The following GRIK2 variants were observed in gnomAD, a reference collection of about 807,000 sequenced individuals.
GRIK2 encodes glutamate ionotropic receptor kainate type subunit 2, also known as glutamate receptor ionotropic, kainate 2.
A neutral mutation model predicts 100.3 loss-of-function variants in GRIK2; 32 were observed. That is an observed-to-expected ratio of 0.32 (90% CI 0.24 to 0.43). GRIK2 has a LOEUF of 0.43. Ranked by LOEUF, GRIK2 falls within the 20% of genes least tolerant of loss-of-function variation. The pLI is 1.00. For missense variants in GRIK2, 843 were observed against 1,114.9 expected (o/e 0.76, Z 3.47); for synonymous variants, 417 against 389.4 (o/e 1.07, Z -0.83).
rs143798457 is a variant in GRIK2, at chr6:101,613,610, T to A, written c.116-8339T>A. On this transcript the variant is annotated intron_variant, in intron 2 of 16. Coordinates refer to ENST00000369134, the MANE Select transcript of GRIK2 (RefSeq NM_021956.5). Reference sequence around the variant, plus strand: ...AACTTTTTAAACAATAAGCTTAAGATGAATGAGCAGTGTGATACTGTACTG... The same window carrying A: ...AACTTTTTAAACAATAAGCTTAAGAAGAATGAGCAGTGTGATACTGTACTG... Among the ~76,000 whole-genome samples, 46 of 151,808 alleles carry A rather than the reference T, an allele frequency of 3.0e-4. No homozygotes were observed. In the East Asian group the frequency reaches 8.7e-3, roughly 29 times the overall value.
At chr6:101,851,897 G>A (rs1229021574) in intron 10 of GRIK2, among the ~76,000 whole-genome samples, 1 of 149,214 alleles carries the variant, frequency 6.7e-6, no homozygotes, top group East Asian at 2.0e-4. Context: ...GTATGGGAGG[G>A]ATGGGTAAGT....
chr6:101,975,797 A>ATCTATCTG (rs1389282229), intron 14 of GRIK2, among the ~76,000 whole-genome samples: 407 of 118,692 alleles, frequency 3.4e-3, no homozygotes, highest in Middle Eastern at 4.3e-3. Flanking sequence ...CTGTCTGTCT[A>ATCTATCTG]TCTATCTATC....
At chr6:101,583,401 C>G (rs555991767) in intron 2 of GRIK2, among the ~76,000 whole-genome samples, 1 of 151,990 alleles carries the variant, frequency 6.6e-6, no homozygotes, top group South Asian at 2.1e-4. Context: ...TGTAAAACTT[C>G]TCTTCTTTGA....
intron 14 of GRIK2, among the ~76,000 whole-genome samples, chr6:101,957,587 A>AT: frequency 6.6e-6 from 1 of 151,348 alleles, no homozygotes; most frequent in East Asian, 1.9e-4. Flanking sequence ...CTTAGTTATA[A>AT]TTTTTTGTTG....
chr6:101,664,994 G>A (rs1769910694), intron 4 of GRIK2, among the ~76,000 whole-genome samples: 1 of 152,196 alleles, frequency 6.6e-6, no homozygotes. Flanking sequence ...CGCATGGCAT[G>A]TGGAGATCAG....
At chr6:101,716,815 A>G (rs1299032918) in intron 7 of GRIK2, among the ~76,000 whole-genome samples, 1 of 151,844 alleles carries the variant, frequency 6.6e-6, no homozygotes. Flanking sequence ...AAGTAAGCAT[A>G]TTCCCATTTT....
At chr6:101,757,229 CATG>C (rs1266793392) in intron 7 of GRIK2, among the ~76,000 whole-genome samples, 1 of 151,986 alleles carries the variant, frequency 6.6e-6, no homozygotes, top group African/African-American at 2.4e-5. Context: ...TATTTTTAAA[CATG>C]AGGATTGGGG....
At chr6:101,791,651 G>C (rs564680538) in intron 7 of GRIK2, among the ~76,000 whole-genome samples, 19 of 152,210 alleles carry the variant, frequency 1.2e-4, no homozygotes, top group African/African-American at 2.9e-4. Context: ...TTTGGAATAG[G>C]TGTGGTGTGG....
At chr6:101,578,854 A>T (rs546802187) in intron 2 of GRIK2, among the ~76,000 whole-genome samples, 287 of 152,292 alleles carry the variant, frequency 1.9e-3, no homozygotes, top group African/African-American at 6.7e-3. Context: ...GCAACATATA[A>T]ATTCCATCCA....
intron 10 of GRIK2, among the ~76,000 whole-genome samples, chr6:101,837,571 A>G (rs1382315818): frequency 6.6e-6 from 1 of 152,172 alleles, no homozygotes; most frequent in African/African-American, 2.4e-5. Flanking sequence ...AGAAAAAGGG[A>G]AAATAGTCTG....
intron 7 of GRIK2, among the ~76,000 whole-genome samples, chr6:101,720,937 G>C (rs1315069649): frequency 1.3e-5 from 2 of 151,886 alleles, no homozygotes; most frequent in Non-Finnish European, 2.9e-5. Context: ...TGATGTCTAG[G>C]TTCCTTCATC....
chr6:101,555,825 G>A (rs1262747325), intron 2 of GRIK2, among the ~76,000 whole-genome samples: 1 of 152,050 alleles, frequency 6.6e-6, no homozygotes, highest in Non-Finnish European at 1.5e-5. Flanking sequence ...TAAAAACATA[G>A]GTTATGAGTG....
At chr6:101,932,154 T>C (rs1006087525) in intron 14 of GRIK2, among the ~76,000 whole-genome samples, 4 of 152,034 alleles carry the variant, frequency 2.6e-5, no homozygotes, top group Admixed American at 2.6e-4. Context: ...TTCTATGAAA[T>C]CCATGACTCA....
At chr6:101,977,340 G>A (rs1372725636) in intron 14 of GRIK2, among the ~76,000 whole-genome samples, 1 of 151,610 alleles carries the variant, frequency 6.6e-6, no homozygotes, top group Non-Finnish European at 1.5e-5. Context: ...AGATTTATTG[G>A]GAACTATCTA....
intron 7 of GRIK2, among the ~76,000 whole-genome samples, chr6:101,748,035 G>A (rs1776534456): frequency 6.6e-6 from 1 of 152,086 alleles, no homozygotes; most frequent in Admixed American, 6.6e-5. Context: ...TCCTGAAAAT[G>A]TTCATATTTT....
chr6:102,055,664 C>A, intron 16 of GRIK2, 84 bp downstream of exon 16: 2 of 900,826 alleles, frequency 2.2e-6, no homozygotes, highest in African/African-American at 1.7e-5. Context: ...TTTATGTTAC[C>A]AACTAATGAT....
At chr6:101,698,962 C>T (rs1218309017) in intron 7 of GRIK2, among the ~76,000 whole-genome samples, 1 of 152,116 alleles carries the variant, frequency 6.6e-6, no homozygotes, top group Non-Finnish European at 1.5e-5. Context: ...GTAGTTACCT[C>T]ACTGGACTTG....
At chr6:101,801,628 T>C (rs916617715) in intron 8 of GRIK2, among the ~76,000 whole-genome samples, 2 of 151,994 alleles carry the variant, frequency 1.3e-5, no homozygotes, top group Non-Finnish European at 2.9e-5. Context: ...TTTCCTAAGC[T>C]ATTTCCAAAT....
At chr6:101,610,007 A>G (rs1169270763) in intron 2 of GRIK2, among the ~76,000 whole-genome samples, 3 of 151,704 alleles carry the variant, frequency 2.0e-5, no homozygotes, top group African/African-American at 7.2e-5. Flanking sequence ...GGGGGAAACC[A>G]AAAGTAATTT....
Sources: gnomAD v4.1 joint callset for allele counts (sites outside exome capture counted in the v4.1 genomes callset) on GRCh38, gnomAD v4.1.1 for gene constraint, MANE v1.5 for transcripts, NCBI Gene and HGNC (gene_info 2026-07-23, HGNC 2026-07-21) for gene names.